ABI3BP: variants seen among roughly 807,000 people sequenced by gnomAD.
The protein encoded by ABI3BP is ABI family member 3 binding protein.
ABI3BP carries 216 observed loss-of-function variants against 268.6 expected under a neutral mutation model. The ratio of observed to expected loss-of-function variants is 0.80; its 90% CI spans 0.72 to 0.90. The LOEUF (loss-of-function observed/expected upper bound fraction) is 0.90, where lower values mean the gene tolerates loss of function less well. Ranked by LOEUF, ABI3BP falls within the 40% of genes least tolerant of loss-of-function variation. The probability of loss-of-function intolerance (pLI) is 0.00; values close to 1 mark genes in which losing one functional copy is unlikely to be tolerated. For synonymous variants in ABI3BP, 730 were observed against 730.0 expected (o/e 1.00, Z 0.00); for missense variants, 2,090 against 2,182.4 (o/e 0.96, Z 0.84).
chr3:100,874,678 T>C (rs181671621), intron 9 of ABI3BP, among the ~76,000 whole-genome samples, 163 bp downstream of exon 9: 58 of 152,324 alleles, frequency 3.8e-4, no homozygotes, highest in African/African-American at 1.3e-3. Flanking sequence ...TCTTATAGAA[T>C]GTTATTTATA....
chr3:100,852,060 G>C (rs2098847437), intron 14 of ABI3BP, 120 bp from the exon 15 acceptor site: 1 of 881,138 alleles, frequency 1.1e-6, no homozygotes, highest in Non-Finnish European at 1.7e-6. Flanking sequence ...TGTAGGTACT[G>C]GTACATTTTG....
intron 10 of ABI3BP, among the ~76,000 whole-genome samples, chr3:100,866,163 G>A (rs974043350): frequency 6.6e-6 from 1 of 152,128 alleles, no homozygotes; most frequent in Non-Finnish European, 1.5e-5. Flanking sequence ...ACTACAGATT[G>A]GAGTGACTCT....
intron 1 of ABI3BP, among the ~76,000 whole-genome samples, chr3:100,983,740 A>G (rs1021335468): frequency 2.6e-5 from 4 of 151,498 alleles, no homozygotes; most frequent in Non-Finnish European, 5.9e-5. Flanking sequence ...ATTAAAAAAT[A>G]TTAATTAAAT....
chr3:100,767,348 A>G (rs972319300), intron 62 of ABI3BP, among the ~76,000 whole-genome samples: 2 of 152,160 alleles, frequency 1.3e-5, no homozygotes, highest in East Asian at 3.9e-4. Flanking sequence ...AAACTGGAAG[A>G]CAGTGGCCAT....
chr3:100,754,645 C>G lies in ABI3BP; in HGVS notation c.4897G>C (p.Val1633Leu). ...KPKNPLGEGP[V>L]SNTVAFSTES... ...GTACTGAATGCCACTGTGTTGCTGA[C>G]CGGGCCTTCACCAAGCGGGTTTTTG... Residue 1633 changes from valine to leucine, a missense_variant, in exon 64 of 68, where the codon GTC (valine) becomes CTC (leucine). Val to Leu is a conservative substitution (Grantham distance 32). Coordinates refer to ENST00000471714, the MANE Select transcript of ABI3BP (RefSeq NM_001375547.2). 3 of 1,592,446 alleles carry G rather than the reference C, an allele frequency of 1.9e-6. No homozygotes were observed. Among genetic ancestry groups the G allele is most frequent in the Non-Finnish European group, 2.6e-6 (3 of 1,168,438 alleles).
intron 54 of ABI3BP, among the ~76,000 whole-genome samples, chr3:100,793,136 T>C (rs892535609): frequency 6.6e-6 from 1 of 151,958 alleles, no homozygotes; most frequent in Non-Finnish European, 1.5e-5. Flanking sequence ...TCTCACATGT[T>C]ATTTTGATGA....
At chr3:100,955,931 T>C (rs760275143) in intron 1 of ABI3BP, among the ~76,000 whole-genome samples, 3 of 152,166 alleles carry the variant, frequency 2.0e-5, no homozygotes, top group African/African-American at 7.2e-5. Flanking sequence ...CTCACACTTG[T>C]AATCCCAGCA....
At position 100,833,118 on chromosome 3, in the gene ABI3BP, T is replaced by G; in HGVS notation, c.2314+7A>C. 1 of 1,533,918 alleles carries G rather than the reference T, an allele frequency of 6.5e-7. No individual in the cohort carries two copies. The highest frequency in any genetic ancestry group is 8.7e-7 in the Non-Finnish European group (1 of 1,145,566). On this transcript the variant is annotated splice_region_variant and intron_variant, in intron 30 of 67. Transcript: ENST00000471714. ...AGGACTTGCTGAAGGACATAGAGAG[T>G]CATTACCTGAAGATGTCCCAGGAGT...
intron 9 of ABI3BP, among the ~76,000 whole-genome samples, chr3:100,872,283 T>G (rs1260818784): frequency 6.6e-6 from 1 of 152,216 alleles, no homozygotes; most frequent in Non-Finnish European, 1.5e-5. Context: ...ATTCTGGACT[T>G]TTAGTGAATC....
intron 60 of ABI3BP, 132 bp downstream of exon 60, chr3:100,775,075 A>G: frequency 1.8e-6 from 2 of 1,086,972 alleles, no homozygotes; most frequent in East Asian, 5.3e-5. Context: ...TTAAAATTAA[A>G]AACAACCATA....
intron 4 of ABI3BP, among the ~76,000 whole-genome samples, chr3:100,896,395 A>G (rs1464380734): frequency 6.6e-6 from 1 of 152,206 alleles, no homozygotes. Context: ...AGAATCGGTC[A>G]TCAGATAGAT....
Position 100,787,801 on chromosome 3 carries a change from A to G in ABI3BP, c.4089T>C (p.Val1363=). Reference sequence around the variant, plus strand: ...TAGGTCTTGTAGTTGTCCTATTCAGAACTAAAATAAAGTGGGATATAAATA... The same window carrying G: ...TAGGTCTTGTAGTTGTCCTATTCAGGACTAAAATAAAGTGGGATATAAATA... ...RTSDKPHIRP[V]LNRTTTRPTR... Residue 1363 remains valine (V), a splice_region_variant and synonymous_variant, in exon 57 of 68, where the codon GTT becomes GTC. Coordinates refer to ENST00000471714, the MANE Select transcript of ABI3BP (RefSeq NM_001375547.2). The G allele has an allele frequency of 6.6e-7, 1 of 1,517,178 alleles. No homozygotes were observed. Among genetic ancestry groups the G allele is most frequent in the South Asian group, 1.3e-5 (1 of 79,942 alleles). 94.0% of individuals were successfully genotyped at this position (1,517,178 alleles called of 1,614,324 possible).
intron 1 of ABI3BP, among the ~76,000 whole-genome samples, chr3:100,950,952 G>A (rs1331925937): frequency 2.0e-5 from 3 of 151,826 alleles, no homozygotes; most frequent in Non-Finnish European, 4.4e-5. Context: ...GTCAACTGAG[G>A]ATAGGATGCG....
chr3:100,967,016 A>T (rs2081591266), intron 1 of ABI3BP, among the ~76,000 whole-genome samples: 1 of 151,904 alleles, frequency 6.6e-6, no homozygotes, highest in Admixed American at 6.6e-5. Context: ...TTTGATTAGC[A>T]GTGTAATCAT....
At chr3:100,862,805 G>A (rs2099012539) in intron 13 of ABI3BP, 33 bp downstream of exon 13, 2 of 1,422,624 alleles carry the variant, frequency 1.4e-6, no homozygotes, top group Non-Finnish European at 1.9e-6. Flanking sequence ...ACCACCCACA[G>A]CCTTAATATT....
intron 1 of ABI3BP, among the ~76,000 whole-genome samples, chr3:100,987,331 A>G (rs2092073861): frequency 6.6e-6 from 1 of 152,198 alleles, no homozygotes; most frequent in Non-Finnish European, 1.5e-5. Flanking sequence ...ATAATATTAT[A>G]TTGATGAATT....
intron 21 of ABI3BP, 106 bp from the exon 22 acceptor site, chr3:100,840,964 A>G: frequency 1.2e-6 from 1 of 857,550 alleles, no homozygotes; most frequent in Non-Finnish European, 1.8e-6. Context: ...AGATTGAGCA[A>G]ATATAAATGG....
At chr3:100,845,216 C>T (rs1415923807) in intron 20 of ABI3BP, among the ~76,000 whole-genome samples, 1 of 152,192 alleles carries the variant, frequency 6.6e-6, no homozygotes, top group Non-Finnish European at 1.5e-5. Context: ...TTAAACCCTT[C>T]TCTCATACAG....
rs1200685153 is a variant in ABI3BP, at chr3:100,783,653, A to G, written c.4163-3444T>C. ...TATCCTTTACAGAAACAGTCTGCCA[A>G]CCCCATGCTAGACAATAAATATTTT... On this transcript the variant is annotated intron_variant, in intron 57 of 67. Coordinates refer to ENST00000471714, the MANE Select transcript of ABI3BP (RefSeq NM_001375547.2). Among the ~76,000 whole-genome samples the G allele has an allele frequency of 2.6e-5, 4 of 152,178 alleles. No individual in the cohort carries two copies. In the East Asian group the frequency reaches 5.8e-4, roughly 22 times the overall value.
Sources: gnomAD v4.1 joint callset for allele counts (sites outside exome capture counted in the v4.1 genomes callset) on GRCh38, gnomAD v4.1.1 for gene constraint, MANE v1.5 for transcripts, NCBI Gene and HGNC (gene_info 2026-07-23, HGNC 2026-07-21) for gene names.